Variants in HAPLN1 observed in about 807,000 individuals in gnomAD.
The protein encoded by HAPLN1 is Cartilage link protein.
A neutral mutation model predicts 36.5 loss-of-function variants in HAPLN1; 13 were observed. The observed-to-expected ratio is 0.36, with a 90% CI of 0.23 to 0.57. The LOEUF is 0.57. HAPLN1 is among the 20% of genes least tolerant of loss of function. The probability of loss-of-function intolerance (pLI) is 0.83; values close to 1 mark genes in which losing one functional copy is unlikely to be tolerated. For synonymous variants in HAPLN1, 202 were observed against 169.8 expected (o/e 1.19, Z -1.48); for missense variants, 407 against 439.7 (o/e 0.93, Z 0.66).
chr5:83,688,694 A>C (rs539074490), intron 1 of HAPLN1, among the ~76,000 whole-genome samples: 1 of 113,688 alleles, frequency 8.8e-6, no homozygotes, highest in South Asian at 3.1e-4. Context: ...TGAGTATTTG[A>C]GGAAAGCTTA....
chr5:83,701,221 G>A (rs1751500019), intron 1 of HAPLN1, among the ~76,000 whole-genome samples: 1 of 152,190 alleles, frequency 6.6e-6, no homozygotes, highest in Admixed American at 6.5e-5. Flanking sequence ...AAAACATAAT[G>A]CTTTGCATTT....
Position 83,645,475 on chromosome 5 carries a change from C to CTTTTT in HAPLN1, c.473-815_473-811dup. Reference sequence around the variant, plus strand: ...GTGATTTTCTTTTTTCTTTTTCTTTCTTTTTTTTTTTTTTTTAGCTCATCA... The same window carrying CTTTTT: ...GTGATTTTCTTTTTTCTTTTTCTTTCTTTTTTTTTTTTTTTTTTTTTAGCTCATCA... On this transcript the variant is annotated intron_variant, in intron 3 of 4. Transcript: ENST00000274341. 2.0e-4 allele frequency among the ~76,000 whole-genome samples: 15 copies of CTTTTT among 74,334 alleles called. 2 individuals are homozygous for CTTTTT. Among genetic ancestry groups the CTTTTT allele is most frequent in the African/African-American group, 8.1e-4 (13 of 16,078 alleles). The allele number at this position is 74,334 out of a possible 152,430, so 48.8% of individuals were successfully genotyped here. A position where few individuals can be genotyped will look rare whatever the true frequency, so the allele number is the denominator to read the frequency against.
intron 1 of HAPLN1, among the ~76,000 whole-genome samples, chr5:83,684,585 G>T (rs1443867137): frequency 6.6e-6 from 1 of 151,930 alleles, no homozygotes; most frequent in Non-Finnish European, 1.5e-5. Context: ...AGAGAAGAGG[G>T]GAAAGGATAT....
At chr5:83,674,859 T>TA (rs2112601422) in intron 1 of HAPLN1, 1 of 152,350 alleles carries the variant, frequency 6.6e-6, no homozygotes, top group African/African-American at 2.4e-5. Flanking sequence ...CATGTCTCTG[T>TA]ATTTTCCCCT....
At chr5:83,705,667 A>G (rs1307683770) in intron 1 of HAPLN1, among the ~76,000 whole-genome samples, 1 of 152,176 alleles carries the variant, frequency 6.6e-6, no homozygotes, top group East Asian at 1.9e-4. Flanking sequence ...TGAAAGAATT[A>G]GGGAAGCAAG....
At chr5:83,698,476 G>A (rs1751441234) in intron 1 of HAPLN1, among the ~76,000 whole-genome samples, 2 of 151,918 alleles carry the variant, frequency 1.3e-5, no homozygotes, top group African/African-American at 2.4e-5. Flanking sequence ...TTTGATTTTT[G>A]GTTTTTATGT....
intron 2 of HAPLN1, among the ~76,000 whole-genome samples, chr5:83,661,102 G>A (rs959839807): frequency 1.3e-5 from 2 of 152,230 alleles, no homozygotes; most frequent in African/African-American, 4.8e-5. Flanking sequence ...TAATCTAGTG[G>A]TTCTTAGCAA....
chr5:83,694,734 A>G (rs1156714109), intron 1 of HAPLN1, among the ~76,000 whole-genome samples: 1 of 152,132 alleles, frequency 6.6e-6, no homozygotes, highest in African/African-American at 2.4e-5. Flanking sequence ...TTAAAAATCA[A>G]ATTTTTAGTT....
chr5:83,706,492 T>G (rs1751655452), intron 1 of HAPLN1, among the ~76,000 whole-genome samples: 1 of 152,166 alleles, frequency 6.6e-6, no homozygotes, highest in Admixed American at 6.5e-5. Flanking sequence ...CATGATTATC[T>G]CAATAGATGC....
In HAPLN1 at chr5:83,702,612, T is replaced by C. The variant is rs1052811716; in HGVS notation, c.-27+18177A>G. Among the ~76,000 whole-genome samples the C allele has an allele frequency of 2.6e-5, 4 of 152,288 alleles. No homozygotes were observed. The East Asian group carries it at 7.7e-4, about 29-fold the overall frequency. On this transcript the variant is annotated intron_variant, in intron 1 of 4. Coordinates refer to ENST00000274341, the MANE Select transcript of HAPLN1 (RefSeq NM_001884.4). ...GAACATAGTCAAGCCAACCCACTGA[T>C]TTTTGGCATTTCTTAAAGTGGAAAG...
intron 3 of HAPLN1, among the ~76,000 whole-genome samples, chr5:83,648,360 A>G (rs1439126698): frequency 1.4e-5 from 2 of 141,426 alleles, no homozygotes; most frequent in African/African-American, 5.2e-5. Context: ...GTACTCTAGG[A>G]TATAGGTATG....
chr5:83,641,324 A>T lies in HAPLN1; in HGVS notation c.*172T>A. 2.3e-6 allele frequency: 1 copy of T among 444,180 alleles called. No individual in the cohort carries two copies. The highest frequency in any genetic ancestry group is 3.9e-6 in the Non-Finnish European group (1 of 256,912). 27.5% of individuals were successfully genotyped at this position (444,180 alleles called of 1,614,324 possible). A position where few individuals can be genotyped will look rare whatever the true frequency, so the allele number is the denominator to read the frequency against. On this transcript the variant is annotated 3_prime_UTR_variant, in exon 5 of 5. Coordinates refer to ENST00000274341, the MANE Select transcript of HAPLN1 (RefSeq NM_001884.4). ...ATTAATTTATAATATATATTGAATG[A>T]TAGCTTTACAAAAAACAAATCAATG...
At chr5:83,666,249 G>A (rs1750548021) in intron 2 of HAPLN1, among the ~76,000 whole-genome samples, 1 of 151,982 alleles carries the variant, frequency 6.6e-6, no homozygotes, top group African/African-American at 2.4e-5. Context: ...CTTGATATTT[G>A]GTAAAATCAG....
chr5:83,690,504 G>A (rs903211533), intron 1 of HAPLN1, among the ~76,000 whole-genome samples: 2 of 152,060 alleles, frequency 1.3e-5, no homozygotes, highest in East Asian at 1.9e-4. Flanking sequence ...TGAGAAATAT[G>A]TTGGAATCTA....
chr5:83,703,072 G>T (rs1222539050), intron 1 of HAPLN1, among the ~76,000 whole-genome samples: 1 of 152,104 alleles, frequency 6.6e-6, no homozygotes. Flanking sequence ...TGTTTATCCT[G>T]TTGGGGCATT....
intron 1 of HAPLN1, 116 bp from the exon 2 acceptor site, chr5:83,673,665 C>A (rs1266150869): frequency 1.5e-6 from 1 of 647,642 alleles, no homozygotes; most frequent in East Asian, 3.0e-5. Flanking sequence ...AATATTTAAC[C>A]CAATCTGTTC....
At chr5:83,697,482 T>C (rs1299514292) in intron 1 of HAPLN1, among the ~76,000 whole-genome samples, 1 of 152,240 alleles carries the variant, frequency 6.6e-6, no homozygotes, top group Non-Finnish European at 1.5e-5. Context: ...TGGGCTTTAA[T>C]GAATAATGCT....
intron 2 of HAPLN1, among the ~76,000 whole-genome samples, chr5:83,667,090 C>A (rs1382350114): frequency 6.6e-6 from 1 of 152,190 alleles, no homozygotes; most frequent in African/African-American, 2.4e-5. Context: ...GTTTTGTCAT[C>A]ATATCCCTAA....
At chr5:83,720,609 C>T (rs1177231641) in intron 1 of HAPLN1, among the ~76,000 whole-genome samples, 180 bp downstream of exon 1, 4 of 151,984 alleles carry the variant, frequency 2.6e-5, no homozygotes, top group Non-Finnish European at 5.9e-5. Context: ...ATATTTTATC[C>T]GACAATATGA....
Sources: allele counts gnomAD v4.1 joint callset (sites outside exome capture counted in the v4.1 genomes callset), GRCh38; gene constraint gnomAD v4.1.1; transcripts MANE v1.5; gene names NCBI Gene and HGNC (gene_info 2026-07-23, HGNC 2026-07-21).